Variants in TBC1D22A observed in about 807,000 individuals in gnomAD.
TBC1D22A encodes the protein putative GTPase activator.
TBC1D22A carries 38 observed loss-of-function variants against 60.2 expected under a neutral mutation model. The observed-to-expected ratio is 0.63, with a 90% CI of 0.49 to 0.83. The LOEUF (loss-of-function observed/expected upper bound fraction) is 0.83. Ranked by LOEUF, TBC1D22A falls within the 40% of genes least tolerant of loss-of-function variation. TBC1D22A has a pLI of 0.00. For synonymous variants in TBC1D22A, 302 were observed against 281.7 expected (o/e 1.07, Z -0.72); for missense variants, 628 against 701.0 (o/e 0.90, Z 1.18).
rs548302391 is a variant in TBC1D22A, at chr22:46,824,927, T to G, written c.637+27307T>G. Among the ~76,000 whole-genome samples, 3 of 151,982 alleles carry G rather than the reference T, an allele frequency of 2.0e-5. No individual in the cohort carries two copies. In the East Asian group the frequency reaches 5.8e-4, roughly 29 times the overall value. On this transcript the variant is annotated intron_variant, in intron 4 of 12. Coordinates refer to ENST00000337137, the MANE Select transcript of TBC1D22A (RefSeq NM_014346.5). Reference sequence around the variant, plus strand: ...TCAGTCAGGGTGTCAAGTGGGCAGCTGGACACAGGTGTGTCTGTAGTGATC... The same window carrying G: ...TCAGTCAGGGTGTCAAGTGGGCAGCGGGACACAGGTGTGTCTGTAGTGATC...
chr22:47,003,800 TGTACACACCCTACGCACAC>T (rs2061484264), intron 10 of TBC1D22A, among the ~76,000 whole-genome samples: 1 of 101,904 alleles, frequency 9.8e-6, no homozygotes, highest in Non-Finnish European at 2.1e-5. Context: ...CACACATGCC[TGTACACACCCTACGCACAC>T]ATGCCTGTAC....
chr22:47,121,247 T>TTGGC (rs2066261867), intron 12 of TBC1D22A, among the ~76,000 whole-genome samples: 1 of 152,248 alleles, frequency 6.6e-6, no homozygotes, highest in South Asian at 2.1e-4. Context: ...GTGGATGAAG[T>TTGGC]TGGCGTAAAG....
rs146435063 is a variant in TBC1D22A, at chr22:47,168,076, G to A, written c.1426-5422G>A. Among the ~76,000 whole-genome samples, 764 of 152,368 alleles carry A rather than the reference G, an allele frequency of 5.0e-3. 7 individuals are homozygous for A. Among genetic ancestry groups the A allele is most frequent in the African/African-American group, 0.017 (709 of 41,570 alleles). On this transcript the variant is annotated intron_variant, in intron 12 of 12. Transcript: ENST00000337137. ...GCAGGGCTGGGATTTGAACGTGGCC[G>A]TGGGGCACATTCAGATGTGCTTTTA... is the stretch of plus-strand genomic sequence containing the variant.
chr22:46,897,640 G>GTTTTTTTGTTTTTTTTTTTTTTTTT (rs1569189469), intron 7 of TBC1D22A, among the ~76,000 whole-genome samples: 1 of 108,380 alleles, frequency 9.2e-6, no homozygotes, highest in African/African-American at 4.2e-5. Context: ...GTTTCGTTTT[G>GTTTTTTTGTTTTTTTTTTTTTTTTT]TTTTTTTTTG....
At position 47,174,330 on chromosome 22, in the gene TBC1D22A, A is replaced by G. The variant is rs2068599281; in HGVS notation, c.*704A>G. 1 of 152,106 alleles carries G rather than the reference A, an allele frequency of 6.6e-6. No individual in the cohort carries two copies. Among genetic ancestry groups the G allele is most frequent in the African/African-American group, 2.4e-5 (1 of 41,396 alleles). 9.4% of individuals were successfully genotyped at this position (152,106 alleles called of 1,614,324 possible). ...TTACTTTCCACCTTGAACCTCTTTT[A>G]CAAGAGAGAAACCCCCACCTCCCTG... On this transcript the variant is annotated 3_prime_UTR_variant, in exon 13 of 13. Coordinates refer to ENST00000337137, the MANE Select transcript of TBC1D22A (RefSeq NM_014346.5).
chr22:46,861,363 G>T (rs1055593518), intron 4 of TBC1D22A, among the ~76,000 whole-genome samples: 2 of 152,132 alleles, frequency 1.3e-5, no homozygotes, highest in African/African-American at 4.8e-5. Context: ...CATCTTTTCA[G>T]GTTTTCAAAA....
intron 8 of TBC1D22A, among the ~76,000 whole-genome samples, chr22:46,928,696 A>G (rs1010472947): frequency 2.0e-5 from 3 of 152,248 alleles, no homozygotes; most frequent in Non-Finnish European, 2.9e-5. Context: ...AGTATATACA[A>G]AGAACTCGTA....
chr22:47,048,430 A>C (rs964698202), intron 11 of TBC1D22A, among the ~76,000 whole-genome samples: 7 of 152,116 alleles, frequency 4.6e-5, no homozygotes, highest in African/African-American at 1.7e-4. Flanking sequence ...TCACTTGCCG[A>C]GACGGTGCTC....
intron 4 of TBC1D22A, among the ~76,000 whole-genome samples, chr22:46,809,634 C>T (rs942000831): frequency 3.3e-5 from 5 of 152,148 alleles, no homozygotes; most frequent in Middle Eastern, 3.4e-3. Flanking sequence ...TTTGGGGTGG[C>T]GCATGTCAGG....
Position 47,014,197 on chromosome 22 carries a change from C to T in TBC1D22A, c.1201+16488C>T, listed in dbSNP as rs563948541. Among the ~76,000 whole-genome samples, 4 of 152,302 alleles carry T rather than the reference C, an allele frequency of 2.6e-5. No homozygotes were observed. In the East Asian group the frequency reaches 7.7e-4, roughly 29 times the overall value. ...CCCCTGGCTTTCTGCAGCGGTGGCC[C>T]GGGCTTTTGCTTTCTCAGGCCCCTG... On this transcript the variant is annotated intron_variant, in intron 10 of 12. Coordinates refer to ENST00000337137, the MANE Select transcript of TBC1D22A (RefSeq NM_014346.5).
chr22:47,150,979 C>T (rs1212227680), intron 12 of TBC1D22A, among the ~76,000 whole-genome samples: 1 of 152,206 alleles, frequency 6.6e-6, no homozygotes, highest in Non-Finnish European at 1.5e-5. Context: ...CCTCAGGCAC[C>T]TGGCGTGACT....
At chr22:47,065,143 G>A (rs1327322719) in intron 11 of TBC1D22A, among the ~76,000 whole-genome samples, 1 of 152,074 alleles carries the variant, frequency 6.6e-6, no homozygotes. Context: ...TTACAGGTGC[G>A]TGCCAACACG....
chr22:47,105,626 A>G (rs1348919694), intron 11 of TBC1D22A, among the ~76,000 whole-genome samples: 2 of 152,258 alleles, frequency 1.3e-5, no homozygotes, highest in African/African-American at 4.8e-5. Flanking sequence ...TCCTACATTC[A>G]CATGGATTGG....
At chr22:46,958,580 C>T (rs1295826520) in intron 8 of TBC1D22A, among the ~76,000 whole-genome samples, 3 of 152,220 alleles carry the variant, frequency 2.0e-5, no homozygotes, top group African/African-American at 4.8e-5. Flanking sequence ...TTCACTCAGC[C>T]AGCCTCCGTG....
At chr22:47,131,688 G>A (rs368029093) in intron 12 of TBC1D22A, among the ~76,000 whole-genome samples, 8 of 152,344 alleles carry the variant, frequency 5.3e-5, no homozygotes, top group Middle Eastern at 3.4e-3. Flanking sequence ...AGAGCCTGGC[G>A]TTGGTCATCT....
intron 12 of TBC1D22A, among the ~76,000 whole-genome samples, chr22:47,153,155 A>G (rs1038366205): frequency 2.6e-5 from 4 of 152,124 alleles, no homozygotes; most frequent in Non-Finnish European, 4.4e-5. Flanking sequence ...TTGCATCCAT[A>G]GTCCAGCCTG....
intron 11 of TBC1D22A, among the ~76,000 whole-genome samples, chr22:47,071,416 G>A (rs1216475206): frequency 2.0e-5 from 3 of 152,230 alleles, no homozygotes; most frequent in East Asian, 1.9e-4. Flanking sequence ...TTTGGTGGAA[G>A]TGCAGGCCCC....
chr22:47,045,211 G>A (rs1362585390), intron 11 of TBC1D22A, among the ~76,000 whole-genome samples: 11 of 152,214 alleles, frequency 7.2e-5, no homozygotes, highest in South Asian at 2.1e-4. Context: ...ATTGTGAACT[G>A]TGGCTGCGTG....
Position 46,898,722 on chromosome 22 carries a change from A to C in TBC1D22A, c.900+3876A>C, listed in dbSNP as rs575179166. On this transcript the variant is annotated intron_variant, in intron 7 of 12. Coordinates refer to ENST00000337137, the MANE Select transcript of TBC1D22A (RefSeq NM_014346.5). ...TACACTGCCATGGTGAAATTTTTAC[A>C]GAAACACCTTAAAAGATCTTGCAGC... Among the ~76,000 whole-genome samples, 4 of 152,314 alleles carry C rather than the reference A, an allele frequency of 2.6e-5. No individual in the cohort carries two copies. In the East Asian group the frequency reaches 7.7e-4, roughly 29 times the overall value.
Sources: gnomAD v4.1 joint callset for allele counts (sites outside exome capture counted in the v4.1 genomes callset) on GRCh38, gnomAD v4.1.1 for gene constraint, MANE v1.5 for transcripts, NCBI Gene and HGNC (gene_info 2026-07-23, HGNC 2026-07-21) for gene names.